SDK1: variants seen among roughly 807,000 people sequenced by gnomAD.
SDK1 encodes sidekick cell adhesion molecule 1, also known as protein sidekick-1.
A neutral mutation model predicts 245.5 loss-of-function variants in SDK1; 157 were observed. That is an observed-to-expected ratio of 0.64 (90% CI 0.56 to 0.73). SDK1 has a LOEUF of 0.73. Ranked by LOEUF, SDK1 falls within the 30% of genes least tolerant of loss-of-function variation. SDK1 has a pLI of 0.00. For missense variants in SDK1, 3,583 were observed against 3,002.3 expected, an observed-to-expected ratio of 1.19 and a Z score of -4.52; for synonymous variants, 1,647 against 1,278.5, an observed-to-expected ratio of 1.29 and a Z score of -6.15.
At chr7:3,618,924 G>A (rs544640633) in intron 1 of SDK1, among the ~76,000 whole-genome samples, 156 bp from the exon 2 acceptor site, 1 of 152,224 alleles carries the variant, frequency 6.6e-6, no homozygotes, top group East Asian at 1.9e-4. Flanking sequence ...ATGTTTCCAG[G>A]GTTTGGTAAA....
In SDK1 at chr7:3,571,385, C is replaced by G. The variant is rs542219948; in HGVS notation, c.299-47695C>G. Among the ~76,000 whole-genome samples, 175 of 152,064 alleles carry G rather than the reference C, an allele frequency of 1.2e-3. 2 individuals carry two copies. Among genetic ancestry groups the G allele is most frequent in the African/African-American group, 4.1e-3 (169 of 41,532 alleles). ...TGGCACAATCACAGTTCACTGTAAC[C>G]TCAAACTCCTGGATTCAAGTGATCC... On this transcript the variant is annotated intron_variant, in intron 1 of 44. Transcript: ENST00000404826.
intron 4 of SDK1, among the ~76,000 whole-genome samples, chr7:3,645,240 A>G (rs899653095): frequency 2.0e-5 from 3 of 152,226 alleles, no homozygotes; most frequent in African/African-American, 4.8e-5. Context: ...ACTTGGTGTA[A>G]TATCAAACAA....
At chr7:3,498,808 C>T (rs1159520267) in intron 1 of SDK1, among the ~76,000 whole-genome samples, 1 of 151,382 alleles carries the variant, frequency 6.6e-6, no homozygotes, top group African/African-American at 2.4e-5. Context: ...TTCTTGTATG[C>T]TGATGAGTTC....
At chr7:4,201,376 C>A (rs1783870588) in intron 35 of SDK1, among the ~76,000 whole-genome samples, 1 of 152,116 alleles carries the variant, frequency 6.6e-6, no homozygotes. Context: ...ATTCTATTTC[C>A]CATAGTTCCT....
At chr7:3,358,760 C>T (rs1049182717) in intron 1 of SDK1, among the ~76,000 whole-genome samples, 7 of 152,152 alleles carry the variant, frequency 4.6e-5, no homozygotes, top group African/African-American at 7.2e-5. Context: ...TACGTACTTG[C>T]GCTACAGTAA....
intron 22 of SDK1, among the ~76,000 whole-genome samples, chr7:4,108,277 A>C (rs917572611): frequency 1.3e-5 from 2 of 152,188 alleles, no homozygotes; most frequent in Non-Finnish European, 2.9e-5. Context: ...GAGCTAGTCC[A>C]ACCCCAGGTT....
intron 4 of SDK1, among the ~76,000 whole-genome samples, chr7:3,644,817 CA>C (rs1258131111): frequency 1.5e-4 from 20 of 137,376 alleles, no homozygotes; most frequent in African/African-American, 4.9e-4. Flanking sequence ...AACGGCGGGG[CA>C]GGGGGTGGCA....
intron 4 of SDK1, among the ~76,000 whole-genome samples, chr7:3,651,972 C>T (rs563812397): frequency 3.8e-4 from 58 of 152,142 alleles, no homozygotes; most frequent in African/African-American, 1.1e-3. Context: ...TTTATATTTC[C>T]GAGAAGATTG....
intron 30 of SDK1, among the ~76,000 whole-genome samples, chr7:4,152,051 C>A (rs541799210): frequency 3.3e-4 from 51 of 152,352 alleles, no homozygotes; most frequent in Middle Eastern, 6.8e-3. Flanking sequence ...CAACCCTTGG[C>A]TGCCTGCTAG....
chr7:3,571,502 G>A (rs1476217310), intron 1 of SDK1, among the ~76,000 whole-genome samples: 2 of 151,844 alleles, frequency 1.3e-5, no homozygotes, highest in Non-Finnish European at 2.9e-5. Flanking sequence ...ACAGGGTCTT[G>A]CTGTGTTGCC....
chr7:4,057,906 C>T (rs1333999197), intron 19 of SDK1, among the ~76,000 whole-genome samples: 1 of 152,126 alleles, frequency 6.6e-6, no homozygotes, highest in African/African-American at 2.4e-5. Context: ...CAGGAAAAAG[C>T]CCTCCTTTAT....
At chr7:3,868,476 T>C (rs998283896) in intron 5 of SDK1, among the ~76,000 whole-genome samples, 6 of 152,234 alleles carry the variant, frequency 3.9e-5, no homozygotes, top group Non-Finnish European at 8.8e-5. Flanking sequence ...GACAACTGGT[T>C]AATGAATTTG....
rs539084525 is a variant in SDK1, at chr7:4,180,853, C to G, written c.5098+2267C>G. 5.6e-4 allele frequency among the ~76,000 whole-genome samples: 85 copies of G among 152,298 alleles called. 1 individual carries two copies. The highest frequency in any genetic ancestry group is 2.0e-3 in the African/African-American group (84 of 41,568). On this transcript the variant is annotated intron_variant, in intron 35 of 44. Coordinates refer to ENST00000404826, the MANE Select transcript of SDK1 (RefSeq NM_152744.4). ...TAAGCCATTCATGAGAAACCCACCC[C>G]CACATCCCCATCCCCTCCCGCCAGG...
At chr7:4,109,826 G>A (rs887468547) in intron 22 of SDK1, among the ~76,000 whole-genome samples, 12 of 152,216 alleles carry the variant, frequency 7.9e-5, no homozygotes, top group African/African-American at 2.7e-4. Context: ...GGATGAGTGA[G>A]AGGTGGGGCT....
intron 30 of SDK1, among the ~76,000 whole-genome samples, chr7:4,153,871 G>A (rs965324406): frequency 3.3e-5 from 5 of 151,660 alleles, no homozygotes; most frequent in African/African-American, 1.2e-4. Flanking sequence ...TTTAGAAATG[G>A]GGTCTCACTA....
chr7:3,705,885 G>C (rs1784873191), intron 4 of SDK1, among the ~76,000 whole-genome samples: 1 of 152,096 alleles, frequency 6.6e-6, no homozygotes, highest in African/African-American at 2.4e-5. Context: ...TGATGCAACT[G>C]TCATGATGTT....
chr7:4,220,196 T>A lies in SDK1; in HGVS notation c.5627T>A (p.Phe1876Tyr), dbSNP rs1785062148. 1.2e-6 allele frequency: 2 copies of A among 1,613,936 alleles called. No individual in the cohort carries two copies. Among genetic ancestry groups the A allele is most frequent in the African/African-American group, 2.7e-5 (2 of 74,910 alleles). Residue 1876 changes from phenylalanine to tyrosine, a missense_variant, in exon 39 of 45, where the codon TTC becomes TAC. Transcript: ENST00000404826. ...VRDLTKGVTY[F>Y]FRVQARTITY... ...GACCTCACCAAGGGAGTGACCTATT[T>A]CTTCCGTGTCCAAGCGCGGACCATC...
At chr7:4,005,039 CTTTT>C (rs1162979240) in intron 14 of SDK1, among the ~76,000 whole-genome samples, 1,519 of 90,888 alleles carry the variant, frequency 0.017, 17 homozygotes, top group African/African-American at 0.066. Flanking sequence ...GTTCCTGCAC[CTTTT>C]TTTTTTTTTT....
At chr7:3,463,415 C>T (rs907246607) in intron 1 of SDK1, among the ~76,000 whole-genome samples, 6 of 152,106 alleles carry the variant, frequency 3.9e-5, no homozygotes, top group Admixed American at 1.3e-4. Flanking sequence ...GCACTTAACA[C>T]GTTCTTTTTG....
Sources: gnomAD v4.1 joint callset for allele counts (sites outside exome capture counted in the v4.1 genomes callset) on GRCh38, gnomAD v4.1.1 for gene constraint, MANE v1.5 for transcripts, NCBI Gene and HGNC (gene_info 2026-07-23, HGNC 2026-07-21) for gene names.